EIF3B: variants seen among roughly 807,000 people sequenced by gnomAD.
EIF3B encodes eukaryotic translation initiation factor 3 subunit 9.
A neutral mutation model predicts 104.6 loss-of-function variants in EIF3B; 10 were observed. That is an observed-to-expected ratio of 0.10 (90% confidence interval 0.06 to 0.16). EIF3B has a LOEUF of 0.16. EIF3B is among the 10% of genes least tolerant of loss of function. EIF3B has a pLI of 1.00. For missense variants in EIF3B, 1,014 were observed against 1,087.9 expected, an observed-to-expected ratio of 0.93 and a Z score of 0.96; for synonymous variants, 542 against 417.2, an observed-to-expected ratio of 1.30 and a Z score of -3.65.
Position 2,379,673 on chromosome 7 carries a change from G to A in EIF3B, c.*14+162G>A, listed in dbSNP as rs532805070. 1.4e-4 allele frequency: 85 copies of A among 612,114 alleles called. No individual in the cohort carries two copies. In the East Asian group the frequency reaches 1.9e-3, roughly 13 times the overall value. 37.9% of individuals were successfully genotyped at this position (612,114 alleles called of 1,614,324 possible). ...TGAGCCTCGTGTGAAATGTAGAGTCGGTGCCGACGTGGCCTCGACTGCGCC... is the reference window on the plus strand; with the variant it reads ...TGAGCCTCGTGTGAAATGTAGAGTCAGTGCCGACGTGGCCTCGACTGCGCC... On this transcript the variant is annotated intron_variant, in intron 18 of 18. Transcript: ENST00000360876.
intron 6 of EIF3B, among the ~76,000 whole-genome samples, chr7:2,364,791 T>C (rs1779914500): frequency 6.6e-6 from 1 of 152,172 alleles, no homozygotes; most frequent in Non-Finnish European, 1.5e-5. Flanking sequence ...TTCCTAGAAA[T>C]AGGATTTTGT....
rs1780030912 is a variant in EIF3B at position 2,366,431 on chromosome 7, C to G, written c.1272C>G (p.Ala424=). 1 of 1,613,848 alleles carries G rather than the reference C, an allele frequency of 6.2e-7. No individual in the cohort carries two copies. Among genetic ancestry groups the G allele is most frequent in the Non-Finnish European group, 8.5e-7 (1 of 1,179,990 alleles). The change falls in exon 7 of 19, where the codon GCC becomes GCG. Residue 424 remains alanine (A), a synonymous_variant. Transcript: ENST00000360876. Reference sequence around the variant, plus strand: ...GGGGTTTTCACTGTGAGAGCTCAGCCCATTGGCCTATTTTTAAGTAAGTGG... The same window carrying G: ...GGGGTTTTCACTGTGAGAGCTCAGCGCATTGGCCTATTTTTAAGTAAGTGG... ...KKRGFHCESS[A]HWPIFKWSHD...
rs1780167140 is a variant in EIF3B at position 2,368,841 on chromosome 7, T to G, written c.1404-631T>G. Among the ~76,000 whole-genome samples the G allele has an allele frequency of 2.6e-5, 4 of 152,244 alleles. No homozygotes were observed. The South Asian group carries it at 8.3e-4, about 32-fold the overall frequency. On this transcript the variant is annotated intron_variant, in intron 9 of 18. Coordinates refer to ENST00000360876, the MANE Select transcript of EIF3B (RefSeq NM_001037283.2). The stretch of plus-strand genomic sequence containing the variant: ...TGAACTTCCAACAATCCAAGGACAT[T>G]GACGTTTCTTCTTTCGTTTTTACAT...
chr7:2,371,287 G>T (rs1473761679), intron 10 of EIF3B, among the ~76,000 whole-genome samples: 1 of 152,232 alleles, frequency 6.6e-6, no homozygotes, highest in African/African-American at 2.4e-5. Flanking sequence ...GTAATCTCTT[G>T]TTGGGTGGAC....
chr7:2,367,994 C>A (rs1397149921), intron 9 of EIF3B, among the ~76,000 whole-genome samples: 1 of 151,638 alleles, frequency 6.6e-6, no homozygotes, highest in Non-Finnish European at 1.5e-5. Flanking sequence ...AGGTGCCTGC[C>A]ACCATGCCTA....
chr7:2,379,279 C>T (rs747234467), intron 17 of EIF3B, 37 bp downstream of exon 17: 3 of 1,587,048 alleles, frequency 1.9e-6, no homozygotes, highest in Non-Finnish European at 1.7e-6. Context: ...GGAGCTGGCC[C>T]TTACGCTGCC....
At position 2,355,369 on chromosome 7, in the gene EIF3B, G is replaced by A. The variant is rs1251340528; in HGVS notation, c.448G>A (p.Glu150Lys). The change falls in exon 1 of 19, where the codon GAG becomes AAG. Residue 150 changes from glutamate to lysine, a missense_variant. Coordinates refer to ENST00000360876, the MANE Select transcript of EIF3B (RefSeq NM_001037283.2). ...PRALENGDAD[E>K]PSFSDPEDFV... The stretch of plus-strand genomic sequence containing the variant: ...GGCGCTGGAGAACGGCGACGCGGAC[G>A]AGCCCTCCTTCAGCGACCCCGAGGA... 1.1e-5 allele frequency: 17 copies of A among 1,536,038 alleles called. No individual in the cohort carries two copies. Among genetic ancestry groups the A allele is most frequent in the Admixed American group, 2.0e-5 (1 of 51,136 alleles).
chr7:2,361,895 C>T (rs1444145542), intron 2 of EIF3B, among the ~76,000 whole-genome samples: 1 of 149,548 alleles, frequency 6.7e-6, no homozygotes, highest in Non-Finnish European at 1.5e-5. Context: ...TCCTGCCCCA[C>T]CCTCCCAAGT....
rs897112015 is a variant in EIF3B at position 2,372,921 on chromosome 7, TG to T, written c.1810+130del. ...GGGCAGGCCGGGACTCGCCTATGAA[TG>T]GGGTGTGGCCTCGGCTGATGGAAGT... On this transcript the variant is annotated intron_variant, in intron 12 of 18. Transcript: ENST00000360876. 11 of 1,093,234 alleles carry T rather than the reference TG, an allele frequency of 1.0e-5. No individual in the cohort carries two copies. In the African/African-American group the frequency reaches 1.4e-4, roughly 14 times the overall value. The allele number at this position is 1,093,234 out of a possible 1,614,324, so 67.7% of individuals were successfully genotyped here.
rs1392036902 is a variant in EIF3B at position 2,355,309 on chromosome 7, G to A, written c.388G>A (p.Gly130Arg). The change falls in exon 1 of 19, where the codon GGA (glycine) becomes AGA (arginine). Residue 130 changes from glycine (G) to arginine (R), a missense_variant. By Grantham distance (125) the Gly-to-Arg change is moderately radical. Around this residue, in one of 4 missense-constraint regions of EIF3B, gnomAD observed 488 missense variants for 404.3 expected, o/e 1.21. Transcript: ENST00000360876. ...RAQAVSEDAG[G>R]NEGRAAEAEP... ...CCAGGCGGTGTCCGAGGACGCGGGAGGAAACGAGGGCAGAGCGGCCGAGGC... is the reference window on the plus strand; with the variant it reads ...CCAGGCGGTGTCCGAGGACGCGGGAAGAAACGAGGGCAGAGCGGCCGAGGC... 2 of 1,540,624 alleles carry A rather than the reference G, an allele frequency of 1.3e-6. No individual in the cohort carries two copies. Among genetic ancestry groups the A allele is most frequent in the Admixed American group, 1.9e-5 (1 of 51,370 alleles).
In EIF3B at chr7:2,366,560, C is replaced by T. The variant is rs760611208; in HGVS notation, c.1325C>T (p.Thr442Ile). ...SHDGKFFARM[T>I]LDTLSIYETP... Reference sequence around the variant, plus strand: ...GATGGCAAATTCTTTGCCAGAATGACCCTGGATACGCTTAGCATCTATGAA... The same window carrying T: ...GATGGCAAATTCTTTGCCAGAATGATCCTGGATACGCTTAGCATCTATGAA... Residue 442 changes from threonine to isoleucine, a missense_variant, in exon 8 of 19, where the codon ACC becomes ATC. By Grantham distance (89) the Thr-to-Ile change is moderately conservative (BLOSUM62 -1). This residue lies in a region of EIF3B where 201 missense variants were observed against 240.7 expected (regional missense o/e 0.83). Transcript: ENST00000360876. The T allele has an allele frequency of 3.7e-6, 6 of 1,614,178 alleles. No individual in the cohort carries two copies. The highest frequency in any genetic ancestry group is 5.1e-6 in the Non-Finnish European group (6 of 1,180,024).
intron 14 of EIF3B, chr7:2,375,846 C>T: frequency 6.5e-6 from 2 of 309,298 alleles, no homozygotes; most frequent in South Asian, 6.3e-5. Flanking sequence ...GTTCCATAAC[C>T]GCAGACATTA....
Position 2,364,186 on chromosome 7 carries a change from T to A in EIF3B, c.1000-186T>A, listed in dbSNP as rs60538594. Reference sequence around the variant, plus strand: ...CTGAGGCAGGAGAATGGCATGAACCTGGGAGGTGGAGCTTGCAGTGAGCTG... The same window carrying A: ...CTGAGGCAGGAGAATGGCATGAACCAGGGAGGTGGAGCTTGCAGTGAGCTG... On this transcript the variant is annotated intron_variant, in intron 5 of 18. Coordinates refer to ENST00000360876, the MANE Select transcript of EIF3B (RefSeq NM_001037283.2). The A allele has an allele frequency of 8.1e-3, 4,553 of 559,600 alleles. 170 individuals are homozygous for A. Among genetic ancestry groups the A allele is most frequent in the African/African-American group, 0.08 (4,117 of 51,338 alleles). The allele number at this position is 559,600 out of a possible 1,614,324, so 34.7% of individuals were successfully genotyped here.
Position 2,359,073 on chromosome 7 carries a change from T to C in EIF3B, c.500-1637T>C, listed in dbSNP as rs1456859943. ...GTCTCTTTACAAAGAAAAAAAAAAG[T>C]TGTTTCAGGAGCTTGTATATTCTCC... On this transcript the variant is annotated intron_variant, in intron 1 of 18. Transcript: ENST00000360876. 2.6e-5 allele frequency among the ~76,000 whole-genome samples: 4 copies of C among 152,042 alleles called. No homozygotes were observed. In the East Asian group the frequency reaches 7.7e-4, roughly 29 times the overall value.
intron 6 of EIF3B, 149 bp downstream of exon 6, chr7:2,364,678 C>A: frequency 1.4e-6 from 1 of 736,664 alleles, no homozygotes; most frequent in Non-Finnish European, 2.2e-6. Context: ...GAGATCTTCT[C>A]ACATTTGGTT....
chr7:2,368,043 GTGT>G (rs902119011), intron 9 of EIF3B, among the ~76,000 whole-genome samples: 3 of 150,512 alleles, frequency 2.0e-5, no homozygotes, highest in Admixed American at 1.3e-4. Context: ...GGGTTTCACT[GTGT>G]TGGCCATGCT....
Position 2,360,765 on chromosome 7 carries a change from G to C in EIF3B, c.555G>C (p.Ser185=), listed in dbSNP as rs374070548. 3 of 1,604,474 alleles carry C rather than the reference G, an allele frequency of 1.9e-6. No homozygotes were observed. The highest frequency in any genetic ancestry group is 2.6e-6 in the Non-Finnish European group (3 of 1,171,886). ...DRPQEADGID[S]VIVVDNVPQV... is the part of the protein sequence containing the mutation. ...CCCAGGAAGCAGATGGAATCGATTC[G>C]GTGATTGTAGTGGACAATGTCCCTC... Residue 185 remains serine, a synonymous_variant, in exon 2 of 19, where the codon TCG becomes TCC. Coordinates refer to ENST00000360876, the MANE Select transcript of EIF3B (RefSeq NM_001037283.2).
In EIF3B at chr7:2,379,423, G is replaced by A. The variant is rs768241779; in HGVS notation, c.2371G>A (p.Val791Met). ...GVDTDELDSN[V>M]DDWEEETIEF... ...GGACACTGACGAGCTGGACAGCAACGTGGACGACTGGGAAGAGGAGACCAT... is the reference window on the plus strand; with the variant it reads ...GGACACTGACGAGCTGGACAGCAACATGGACGACTGGGAAGAGGAGACCAT... Residue 791 changes from valine to methionine, a missense_variant, in exon 18 of 19, where the codon GTG becomes ATG. Around this residue, in one of 4 missense-constraint regions of EIF3B, gnomAD observed 266 missense variants for 324.0 expected, o/e 0.82. Transcript: ENST00000360876. 4 of 1,593,658 alleles carry A rather than the reference G, an allele frequency of 2.5e-6. No homozygotes were observed. Among genetic ancestry groups the A allele is most frequent in the South Asian group, 1.1e-5 (1 of 87,706 alleles).
intron 13 of EIF3B, chr7:2,374,852 T>C (rs884564): frequency 0.76 from 311,043 of 407,176 alleles, 120,337 homozygotes; most frequent in East Asian, 0.92. Flanking sequence ...CAGGCAGACC[T>C]GTCTGCGGGT....
Sources: gnomAD v4.1 joint callset for allele counts (sites outside exome capture counted in the v4.1 genomes callset) on GRCh38, gnomAD v4.1.1 for gene constraint, gnomAD v4.1.1 regional missense constraint, MANE v1.5 for transcripts, NCBI Gene and HGNC (gene_info 2026-07-23, HGNC 2026-07-21) for gene names.